SMCO2: variants seen among roughly 807,000 people sequenced by gnomAD.
SMCO2 encodes single-pass membrane protein with coiled-coil domains 2.
A neutral mutation model predicts 29.5 loss-of-function variants in SMCO2; 25 were observed. That is an observed-to-expected ratio of 0.85 (90% CI 0.62 to 1.18). The LOEUF (loss-of-function observed/expected upper bound fraction) is 1.18, where lower values mean the gene tolerates loss of function less well. SMCO2 is among the 50% of genes most tolerant of loss of function. The pLI, the probability that SMCO2 is intolerant of heterozygous loss-of-function variation, is 0.00. For missense variants in SMCO2, 348 were observed against 344.5 expected, an observed-to-expected ratio of 1.01 and a Z score of -0.08; for synonymous variants, 117 against 123.3, an observed-to-expected ratio of 0.95 and a Z score of 0.34.
chr12:27,463,240 T>G (rs1363611957), upstream of SMCO2, among the ~76,000 whole-genome samples: 1 of 152,146 alleles, frequency 6.6e-6, no homozygotes, highest in African/African-American at 2.4e-5. Context: ...TTCACTTAGG[T>G]TCTCTACCAT....
chr12:27,462,372 T>TA (rs1236393177), upstream of SMCO2, among the ~76,000 whole-genome samples: 1 of 152,220 alleles, frequency 6.6e-6, no homozygotes, highest in Non-Finnish European at 1.5e-5. Context: ...TCAATTTCCT[T>TA]AAAAACAGTG....
the SMCO2 span, among the ~76,000 whole-genome samples, chr12:27,441,569 C>A: frequency 6.6e-6 from 1 of 152,132 alleles, no homozygotes; most frequent in Non-Finnish European, 1.5e-5. Context: ...AACACCAGAG[C>A]TCCCAAAAAT....
the SMCO2 span, among the ~76,000 whole-genome samples, chr12:27,435,640 T>C: frequency 2.9e-4 from 44 of 151,538 alleles, no homozygotes; most frequent in African/African-American, 1.0e-3. Flanking sequence ...TGGTCCAAGG[T>C]TATCACTTCA....
chr12:27,427,585 A>T, the SMCO2 span, among the ~76,000 whole-genome samples: 1 of 152,196 alleles, frequency 6.6e-6, no homozygotes, highest in Non-Finnish European at 1.5e-5. Context: ...ATTAAAATGA[A>T]CTTTAAAGGC....
chr12:27,494,375 A>G lies in SMCO2; in HGVS notation c.507+19A>G. 1 of 1,490,148 alleles carries G rather than the reference A, an allele frequency of 6.7e-7. No homozygotes were observed. Among genetic ancestry groups the G allele is most frequent in the Non-Finnish European group, 9.0e-7 (1 of 1,111,900 alleles). 92.3% of individuals were successfully genotyped at this position (1,490,148 alleles called of 1,614,324 possible). ...GCTGGAGGTAAGATTTCAGTTACAC[A>G]ATTCAAACAATGATAAAATCAGATA... On this transcript the variant is annotated intron_variant, in intron 6 of 7. Transcript: ENST00000298876.
the SMCO2 span, among the ~76,000 whole-genome samples, chr12:27,433,553 T>C: frequency 9.9e-5 from 15 of 151,312 alleles, no homozygotes; most frequent in Middle Eastern, 3.2e-3. Flanking sequence ...ATATATCATA[T>C]TCTCAACCAG....
intron 1 of SMCO2, among the ~76,000 whole-genome samples, chr12:27,468,835 A>G (rs1438598478): frequency 6.6e-6 from 1 of 152,212 alleles, no homozygotes; most frequent in Non-Finnish European, 1.5e-5. Context: ...TAAAATGGGG[A>G]TAATACCCTC....
At chr12:27,448,906 T>C in the SMCO2 span, among the ~76,000 whole-genome samples, 1 of 152,178 alleles carries the variant, frequency 6.6e-6, no homozygotes, top group South Asian at 2.1e-4. Context: ...GAGAGAAGAA[T>C]GGAATTGTCA....
intron 3 of SMCO2, 166 bp downstream of exon 3, chr12:27,473,041 C>T (rs1204997768): frequency 2.9e-5 from 17 of 578,100 alleles, no homozygotes; most frequent in Non-Finnish European, 4.9e-5. Flanking sequence ...GGGAATATGG[C>T]ATTGTTCCCA....
intron 4 of SMCO2, among the ~76,000 whole-genome samples, chr12:27,477,122 C>T (rs1949593228): frequency 6.6e-6 from 1 of 150,430 alleles, no homozygotes; most frequent in African/African-American, 2.4e-5. Context: ...GATGAATTAT[C>T]TCACTTTTTC....
upstream of SMCO2, among the ~76,000 whole-genome samples, chr12:27,464,716 CA>C (rs767874837): frequency 0.08 from 3,690 of 46,138 alleles, 58 homozygotes; most frequent in East Asian, 0.12. Context: ...GACCCTGTCT[CA>C]AAAAAAAAAA....
At chr12:27,439,784 A>G in the SMCO2 span, among the ~76,000 whole-genome samples, 1 of 152,186 alleles carries the variant, frequency 6.6e-6, no homozygotes, top group African/African-American at 2.4e-5. Flanking sequence ...CTGGCATTTG[A>G]AAATACATAG....
intron 4 of SMCO2, among the ~76,000 whole-genome samples, chr12:27,486,679 T>C (rs1256598154): frequency 6.6e-6 from 1 of 152,228 alleles, no homozygotes; most frequent in East Asian, 1.9e-4. Context: ...TTTCTTATAC[T>C]ATTCTCTATT....
chr12:27,495,822 T>C, exon 7 of SMCO2: 1 of 1,531,498 alleles, frequency 6.5e-7, no homozygotes, highest in Non-Finnish European at 8.8e-7. Context: ...GCATCCTTTT[T>C]AGTGCAGAAG....
At chr12:27,424,796 T>A in the SMCO2 span, 1 of 152,258 alleles carries the variant, frequency 6.6e-6, no homozygotes, top group African/African-American at 2.4e-5. Flanking sequence ...AGCTGCTAAG[T>A]GGCCACTAGG....
At chr12:27,428,917 T>C in the SMCO2 span, among the ~76,000 whole-genome samples, 3 of 151,564 alleles carry the variant, frequency 2.0e-5, no homozygotes, top group Non-Finnish European at 2.9e-5. Flanking sequence ...ATTCAATACT[T>C]TGTTGACTGA....
the SMCO2 span, among the ~76,000 whole-genome samples, chr12:27,437,717 C>T: frequency 1.3e-5 from 2 of 152,154 alleles, no homozygotes; most frequent in Non-Finnish European, 2.9e-5. Context: ...AATCAGTTTC[C>T]TTTTCCTAAA....
the SMCO2 span, among the ~76,000 whole-genome samples, chr12:27,436,037 C>T: frequency 7.4e-3 from 1,124 of 152,320 alleles, 14 homozygotes; most frequent in African/African-American, 0.025. Flanking sequence ...GTTCCACTTC[C>T]TGGTTCATAG....
chr12:27,460,535 G>A, the SMCO2 span, among the ~76,000 whole-genome samples: 1 of 152,052 alleles, frequency 6.6e-6, no homozygotes, highest in Non-Finnish European at 1.5e-5. Flanking sequence ...ATAAAGGTGA[G>A]TCATAAAGGT....
Sources: gnomAD v4.1 joint callset for allele counts (sites outside exome capture counted in the v4.1 genomes callset) on GRCh38, gnomAD v4.1.1 for gene constraint, MANE v1.5 for transcripts, NCBI Gene and HGNC (gene_info 2026-07-23, HGNC 2026-07-21) for gene names.